Variants in CCSER1 observed in about 807,000 individuals in gnomAD.
CCSER1 encodes coiled-coil serine rich protein 1.
CCSER1 carries 41 observed loss-of-function variants against 82.0 expected under a neutral mutation model. The ratio of observed to expected loss-of-function variants is 0.50; its 90% CI spans 0.39 to 0.65. CCSER1 has a LOEUF of 0.65. Ranked by LOEUF, CCSER1 falls within the 30% of genes least tolerant of loss-of-function variation. The pLI is 0.00. For missense variants in CCSER1, 1,119 were observed against 1,064.2 expected (o/e 1.05, Z -0.72); for synonymous variants, 414 against 383.9 (o/e 1.08, Z -0.92).
chr4:91,441,772 G>A (rs1207689659), intron 10 of CCSER1, among the ~76,000 whole-genome samples: 1 of 152,152 alleles, frequency 6.6e-6, no homozygotes, highest in Non-Finnish European at 1.5e-5. Flanking sequence ...CTTCAGCAAA[G>A]TCTCAGGATA....
intron 10 of CCSER1, among the ~76,000 whole-genome samples, chr4:91,349,033 C>G (rs1748270085): frequency 6.6e-6 from 1 of 152,114 alleles, no homozygotes; most frequent in South Asian, 2.1e-4. Flanking sequence ...CTCAGCCTCC[C>G]AAGTAGGTGG....
At chr4:91,032,735 T>C (rs983468613) in intron 9 of CCSER1, among the ~76,000 whole-genome samples, 2 of 152,236 alleles carry the variant, frequency 1.3e-5, no homozygotes, top group Non-Finnish European at 2.9e-5. Context: ...TTGTAGTTTC[T>C]AAGACTTTAA....
chr4:91,141,609 G>T (rs905805109), intron 10 of CCSER1, among the ~76,000 whole-genome samples: 3 of 152,092 alleles, frequency 2.0e-5, no homozygotes, highest in Admixed American at 1.3e-4. Context: ...GTGTCTTTTT[G>T]GTAGAACAAT....
intron 8 of CCSER1, among the ~76,000 whole-genome samples, chr4:90,900,094 G>GTTTTTTT (rs70963096): frequency 4.9e-5 from 5 of 102,156 alleles, no homozygotes; most frequent in African/African-American, 6.7e-5. Context: ...TGGTCCCAGA[G>GTTTTTTT]TTTTTTTTTT....
At position 91,560,313 on chromosome 4, in the gene CCSER1, A is replaced by G. The variant is rs368749871; in HGVS notation, c.2218-38259A>G. Among the ~76,000 whole-genome samples the G allele has an allele frequency of 4.0e-4, 60 of 151,536 alleles. No homozygotes were observed. In the East Asian group the frequency reaches 7.7e-3, roughly 20 times the overall value. On this transcript the variant is annotated intron_variant, in intron 10 of 10. Transcript: ENST00000509176. ...AAAAGGAAACAAACACTTTTCAGCA[A>G]TGTTATCAAATATATACTTTGTTTT...
intron 1 of CCSER1, among the ~76,000 whole-genome samples, chr4:90,163,212 T>G (rs943035246): frequency 1.3e-5 from 2 of 152,118 alleles, no homozygotes; most frequent in South Asian, 4.1e-4. Context: ...ATTTAAGCAT[T>G]GCATTGTTAA....
intron 10 of CCSER1, among the ~76,000 whole-genome samples, chr4:91,276,409 A>G (rs1173017355): frequency 6.6e-6 from 1 of 151,132 alleles, no homozygotes; most frequent in Non-Finnish European, 1.5e-5. Context: ...GTAGCTATTG[A>G]AAAATGAGAT....
At chr4:90,310,848 T>C (rs1452875216) in intron 2 of CCSER1, among the ~76,000 whole-genome samples, 1 of 152,138 alleles carries the variant, frequency 6.6e-6, no homozygotes, top group African/African-American at 2.4e-5. Flanking sequence ...TTCAAAGTTT[T>C]AAATGCATGA....
intron 7 of CCSER1, among the ~76,000 whole-genome samples, chr4:90,803,842 T>G (rs541589882): frequency 6.6e-6 from 1 of 152,322 alleles, no homozygotes; most frequent in African/African-American, 2.4e-5. Flanking sequence ...TGTAAAAGTT[T>G]TCCTATTTCT....
chr4:91,565,980 T>G (rs1914236), intron 10 of CCSER1, among the ~76,000 whole-genome samples: 119,756 of 151,924 alleles, frequency 0.79, 48,049 homozygotes, highest in African/African-American at 0.94. Context: ...ATTTCAAGGG[T>G]AATGCTTCTT....
intron 8 of CCSER1, among the ~76,000 whole-genome samples, chr4:90,871,377 C>T (rs1766480878): frequency 6.6e-6 from 1 of 151,708 alleles, no homozygotes; most frequent in South Asian, 2.1e-4. Flanking sequence ...GATCCATGTT[C>T]ATCTGTTTCA....
intron 10 of CCSER1, among the ~76,000 whole-genome samples, chr4:91,174,680 C>T (rs1397966385): frequency 6.6e-6 from 1 of 152,102 alleles, no homozygotes; most frequent in Non-Finnish European, 1.5e-5. Flanking sequence ...ATCCAACTAT[C>T]TAATGTTTAA....
chr4:90,346,736 A>G (rs924040094), intron 3 of CCSER1, among the ~76,000 whole-genome samples: 2 of 152,132 alleles, frequency 1.3e-5, no homozygotes, highest in Non-Finnish European at 2.9e-5. Flanking sequence ...GTACATAAGT[A>G]CTGGTTGCTT....
At chr4:91,124,972 T>A (rs1415301641) in intron 10 of CCSER1, among the ~76,000 whole-genome samples, 1 of 151,816 alleles carries the variant, frequency 6.6e-6, no homozygotes, top group African/African-American at 2.4e-5. Context: ...TACATGTTAC[T>A]TGTGTAAGTG....
rs945361431 is a variant in CCSER1 at position 90,457,607 on chromosome 4, T to C, written c.1604-10627T>C. On this transcript the variant is annotated intron_variant, in intron 4 of 10. Transcript: ENST00000509176. ...GAGAAGACCCACAGTGGGTAGCTCC[T>C]CCCCACAGGCAGGTTGTCCTAATGT... 3.3e-5 allele frequency among the ~76,000 whole-genome samples: 5 copies of C among 152,280 alleles called. No individual in the cohort carries two copies. The South Asian group carries it at 1.0e-3, about 32-fold the overall frequency.
chr4:90,158,719 A>G (rs957095979), intron 1 of CCSER1, among the ~76,000 whole-genome samples: 2 of 152,144 alleles, frequency 1.3e-5, no homozygotes, highest in Non-Finnish European at 2.9e-5. Flanking sequence ...CCGTTTTTTA[A>G]GCCTGTCAGA....
chr4:90,298,888 C>A (rs1285898318), intron 1 of CCSER1, among the ~76,000 whole-genome samples: 2 of 151,956 alleles, frequency 1.3e-5, no homozygotes, highest in Admixed American at 1.3e-4. Flanking sequence ...CATAAATATG[C>A]CTCTTATTAT....
intron 7 of CCSER1, among the ~76,000 whole-genome samples, chr4:90,800,235 A>C (rs940369031): frequency 7.2e-5 from 11 of 152,066 alleles, no homozygotes; most frequent in Admixed American, 4.6e-4. Flanking sequence ...TTTTAATATA[A>C]TGTTTTAAAC....
At chr4:91,153,862 C>A (rs2148959903) in intron 10 of CCSER1, among the ~76,000 whole-genome samples, 1 of 152,016 alleles carries the variant, frequency 6.6e-6, no homozygotes, top group South Asian at 2.1e-4. Context: ...CCTGATGCTT[C>A]CTCTGGAAGC....
Sources: gnomAD v4.1 joint callset for allele counts (sites outside exome capture counted in the v4.1 genomes callset) on GRCh38, gnomAD v4.1.1 for gene constraint, MANE v1.5 for transcripts, NCBI Gene and HGNC (gene_info 2026-07-23, HGNC 2026-07-21) for gene names.